DAPP1: variants seen among roughly 807,000 people sequenced by gnomAD.
The protein encoded by DAPP1 is dual adapter for phosphotyrosine and 3-phosphotyrosine and 3-phosphoinositide.
Under a neutral mutation model 41.5 loss-of-function variants are expected in DAPP1, and 20 were observed. That is an observed-to-expected ratio of 0.48 (90% CI 0.34 to 0.70). The LOEUF (loss-of-function observed/expected upper bound fraction) is 0.70. Ranked by LOEUF, DAPP1 falls within the 30% of genes least tolerant of loss-of-function variation. The pLI is 0.01. For synonymous variants in DAPP1, 113 were observed against 116.2 expected (o/e 0.97, Z 0.18); for missense variants, 233 against 333.4 (o/e 0.70, Z 2.35).
chr4:99,849,665 G>A (rs116378440), intron 3 of DAPP1, among the ~76,000 whole-genome samples: 1,663 of 152,290 alleles, frequency 0.011, 37 homozygotes, highest in African/African-American at 0.037. Flanking sequence ...CCCACAGGAC[G>A]TCCACATGTC....
intron 4 of DAPP1, among the ~76,000 whole-genome samples, chr4:99,860,059 T>C (rs1168375546): frequency 6.6e-6 from 1 of 152,254 alleles, no homozygotes; most frequent in Non-Finnish European, 1.5e-5. Flanking sequence ...GACAGTCCTT[T>C]GTTTTTGAAC....
At chr4:99,863,140 T>TA in intron 6 of DAPP1, 68 bp downstream of exon 6, 6 of 966,960 alleles carry the variant, frequency 6.2e-6, no homozygotes, top group Middle Eastern at 2.2e-4. Context: ...CTTAGGTCTT[T>TA]AAAATCTCTG....
chr4:99,846,550 A>G (rs1723670157), intron 3 of DAPP1, among the ~76,000 whole-genome samples: 2 of 152,250 alleles, frequency 1.3e-5, no homozygotes, highest in South Asian at 4.1e-4. Flanking sequence ...ATTTAATAAA[A>G]TGCTTTTATG....
chr4:99,835,298 C>A (rs1723262120), intron 1 of DAPP1, among the ~76,000 whole-genome samples: 1 of 152,124 alleles, frequency 6.6e-6, no homozygotes, highest in African/African-American at 2.4e-5. Flanking sequence ...TGTGAGTCAC[C>A]ACACCCAGCC....
At chr4:99,831,677 C>A (rs999049033) in intron 1 of DAPP1, among the ~76,000 whole-genome samples, 2 of 152,028 alleles carry the variant, frequency 1.3e-5, no homozygotes, top group African/African-American at 4.8e-5. Flanking sequence ...TCAGTTACAC[C>A]CTATGTGCTA....
rs1723662717 is a variant in DAPP1, at chr4:99,846,311, A to G, written c.358+5889A>G. Reference sequence around the variant, plus strand: ...AATAATTATGGTATAATGAGTAAACACACAAATTCTAAGTTTCAACTCCAG... The same window carrying G: ...AATAATTATGGTATAATGAGTAAACGCACAAATTCTAAGTTTCAACTCCAG... On this transcript the variant is annotated intron_variant, in intron 3 of 8. Coordinates refer to ENST00000512369, the MANE Select transcript of DAPP1 (RefSeq NM_014395.3). Among the ~76,000 whole-genome samples the G allele has an allele frequency of 2.0e-5, 3 of 152,202 alleles. No individual in the cohort carries two copies. The South Asian group carries it at 6.2e-4, about 31-fold the overall frequency.
chr4:99,830,619 A>G (rs549115532), intron 1 of DAPP1, among the ~76,000 whole-genome samples: 5 of 152,238 alleles, frequency 3.3e-5, no homozygotes, highest in African/African-American at 1.2e-4. Context: ...ACATGACTAC[A>G]TGATATTCTG....
chr4:99,849,282 A>T (rs1723774984), intron 3 of DAPP1, among the ~76,000 whole-genome samples: 2 of 152,100 alleles, frequency 1.3e-5, no homozygotes, highest in South Asian at 4.1e-4. Flanking sequence ...GCCTGCGGTT[A>T]TTGTCCTTTC....
At chr4:99,843,192 T>G (rs555743811) in intron 3 of DAPP1, among the ~76,000 whole-genome samples, 1 of 152,206 alleles carries the variant, frequency 6.6e-6, no homozygotes, top group African/African-American at 2.4e-5. Context: ...AATACATTTA[T>G]CTACTGGCAC....
chr4:99,848,753 G>GTCTA (rs1723757229), intron 3 of DAPP1, among the ~76,000 whole-genome samples: 2 of 152,160 alleles, frequency 1.3e-5, no homozygotes, highest in Non-Finnish European at 2.9e-5. Context: ...GGAAACAATA[G>GTCTA]TCTACTTCAT....
At chr4:99,866,697 T>G (rs1206612318) in intron 8 of DAPP1, 15 of 709,936 alleles carry the variant, frequency 2.1e-5, no homozygotes, top group Non-Finnish European at 3.8e-5. Context: ...AGCCAAGAAC[T>G]TGTCCTTAAA....
chr4:99,817,651 T>A (rs571463035), intron 1 of DAPP1, among the ~76,000 whole-genome samples: 1 of 151,802 alleles, frequency 6.6e-6, no homozygotes, highest in South Asian at 2.1e-4. Flanking sequence ...GTAGGTGGAG[T>A]CATTGGAGCT....
intron 3 of DAPP1, among the ~76,000 whole-genome samples, chr4:99,848,372 C>T (rs527844811): frequency 9.2e-5 from 14 of 151,724 alleles, no homozygotes; most frequent in South Asian, 6.2e-4. Context: ...GGACTACAGA[C>T]GCATGCCACC....
chr4:99,830,820 C>T (rs1013559376), intron 1 of DAPP1, among the ~76,000 whole-genome samples: 1 of 152,124 alleles, frequency 6.6e-6, no homozygotes, highest in Non-Finnish European at 1.5e-5. Flanking sequence ...ACCTAAGTGC[C>T]TAGGCCAGTC....
At chr4:99,843,017 C>T (rs1332224963) in intron 3 of DAPP1, among the ~76,000 whole-genome samples, 2 of 152,108 alleles carry the variant, frequency 1.3e-5, no homozygotes, top group Non-Finnish European at 2.9e-5. Context: ...AGCATTTGTC[C>T]ACACAATGGA....
At chr4:99,831,439 C>T (rs1723116624) in intron 1 of DAPP1, among the ~76,000 whole-genome samples, 1 of 152,230 alleles carries the variant, frequency 6.6e-6, no homozygotes, top group Admixed American at 6.5e-5. Context: ...CAAAAATATG[C>T]TCACAGCTTT....
In DAPP1 at chr4:99,846,487, G is replaced by T. The variant is rs551198698; in HGVS notation, c.358+6065G>T. On this transcript the variant is annotated intron_variant, in intron 3 of 8. Transcript: ENST00000512369. ...AGATTGAATGAAATTAGGCACATAGGACATTTGGAATGATTCTTAGCATAG... is the reference window on the plus strand; with the variant it reads ...AGATTGAATGAAATTAGGCACATAGTACATTTGGAATGATTCTTAGCATAG... 3.9e-4 allele frequency among the ~76,000 whole-genome samples: 59 copies of T among 152,122 alleles called. 1 individual carries two copies. The highest frequency in any genetic ancestry group is 1.4e-3 in the African/African-American group (58 of 41,488).
rs1259247322 is a variant in DAPP1 at position 99,868,138 on chromosome 4, A to T, written c.796A>T (p.Asn266Tyr). 1.9e-6 allele frequency: 3 copies of T among 1,604,858 alleles called. No individual in the cohort carries two copies. The African/African-American group carries it at 4.0e-5, about 21-fold the overall frequency. The change falls in exon 9 of 9, where the codon AAC (asparagine) becomes TAC (tyrosine). Residue 266 changes from asparagine (N) to tyrosine (Y), a missense_variant. Transcript: ENST00000512369. ...ACAGTCACAAATAAGAAAACAGCTC[A>T]ACCAAGGGGAAGGCACGATCCGATC... ...WKLSQIRKQLNQGEGTIRSRS... is the reference protein window; with the variant it reads ...WKLSQIRKQLYQGEGTIRSRS...
rs34658186 is a variant in DAPP1, at chr4:99,839,348, GAT to G, written c.225-929_225-928del. On this transcript the variant is annotated intron_variant, in intron 2 of 8. Transcript: ENST00000512369. ...TGGGATCAAATAAAGTGGAGAGGCA[GAT>G]ATATATATATAGATATATATAGATA... 5.9e-3 allele frequency among the ~76,000 whole-genome samples: 848 copies of G among 144,216 alleles called. 3 individuals are homozygous for G. Among genetic ancestry groups the G allele is most frequent in the Non-Finnish European group, 8.7e-3 (578 of 66,468 alleles). The allele number at this position is 144,216 out of a possible 152,430, so 94.6% of individuals were successfully genotyped here. A position where few individuals can be genotyped will look rare whatever the true frequency, so the allele number is the denominator to read the frequency against.
Sources: allele counts gnomAD v4.1 joint callset (sites outside exome capture counted in the v4.1 genomes callset), GRCh38; gene constraint gnomAD v4.1.1; transcripts MANE v1.5; gene names NCBI Gene and HGNC (gene_info 2026-07-23, HGNC 2026-07-21).